Variants in SARDH observed in about 807,000 individuals in gnomAD.
SARDH encodes the protein sarcosine dehydrogenase, mitochondrial.
Under a neutral mutation model 109.1 loss-of-function variants are expected in SARDH, and 95 were observed. The ratio of observed to expected loss-of-function variants is 0.87; its 90% CI spans 0.74 to 1.03. The LOEUF is 1.03. Among genes scored for constraint, SARDH ranks in the 50% least tolerant of loss-of-function variants. SARDH has a pLI of 0.00. For missense variants in SARDH, 1,267 were observed against 1,287.8 expected, an observed-to-expected ratio of 0.98 and a Z score of 0.25; for synonymous variants, 572 against 534.8, an observed-to-expected ratio of 1.07 and a Z score of -0.96.
chr9:133,701,118 C>G (rs181227475), intron 13 of SARDH, among the ~76,000 whole-genome samples: 5 of 152,378 alleles, frequency 3.3e-5, no homozygotes, highest in Non-Finnish European at 7.3e-5. Flanking sequence ...CAGGGGTGCA[C>G]TGACCCTGAC....
rs572864160 is a variant in SARDH at position 133,719,943 on chromosome 9, C to T, written c.916-901G>A. Among the ~76,000 whole-genome samples the T allele has an allele frequency of 4.9e-4, 75 of 152,006 alleles. 1 individual carries two copies. Among genetic ancestry groups the T allele is most frequent in the Non-Finnish European group, 7.6e-4 (52 of 67,998 alleles). ...TGACTAATATGGTGAAACCTCGTCT[C>T]TACTAAAAATACAAAAAATTAGCTG... is the stretch of plus-strand genomic sequence containing the variant. On this transcript the variant is annotated intron_variant, in intron 6 of 20. Coordinates refer to ENST00000439388, the MANE Select transcript of SARDH (RefSeq NM_001134707.2).
At position 133,717,295 on chromosome 9, in the gene SARDH, C is replaced by T. The variant is rs201009568; in HGVS notation, c.1150+31G>A. ...GTCATCAGACCAAAGGACCCATGGA[C>T]GCCCACCCCAGCTCCGAGGCTGTCA... On this transcript the variant is annotated intron_variant, in intron 8 of 20. Coordinates refer to ENST00000439388, the MANE Select transcript of SARDH (RefSeq NM_001134707.2). 1.4e-5 allele frequency: 23 copies of T among 1,611,770 alleles called. No individual in the cohort carries two copies. The East Asian group carries it at 1.6e-4, about 11-fold the overall frequency.
chr9:133,704,879 C>CAG lies in SARDH; in HGVS notation c.1554+68_1554+69insCT. On this transcript the variant is annotated intron_variant, in intron 12 of 20. Coordinates refer to ENST00000439388, the MANE Select transcript of SARDH (RefSeq NM_001134707.2). This position sits in a 1 kb window ranked among gnomAD's most constrained non-coding sequence, Gnocchi z 4.5. ...GGCACACGGAGGGGCAAGGACGGGG[C>CAG]ACGTGGAGGGGCAAGGGGGTTGTCA... 2 of 1,352,328 alleles carry CAG rather than the reference C, an allele frequency of 1.5e-6. No individual in the cohort carries two copies. 83.8% of individuals were successfully genotyped at this position (1,352,328 alleles called of 1,614,324 possible).
intron 20 of SARDH, among the ~76,000 whole-genome samples, chr9:133,664,476 G>A (rs1220612867): frequency 6.6e-6 from 1 of 152,146 alleles, no homozygotes. Flanking sequence ...ACCCTGGCTC[G>A]GGCTCCCCAG....
At position 133,686,243 on chromosome 9, in the gene SARDH, G is replaced by A. The variant is rs191453759; in HGVS notation, c.2070-957C>T. Among the ~76,000 whole-genome samples the A allele has an allele frequency of 1.6e-4, 25 of 152,048 alleles. No homozygotes were observed. The highest frequency in any genetic ancestry group is 5.8e-4 in the African/African-American group (24 of 41,462). On this transcript the variant is annotated intron_variant, in intron 16 of 20. Coordinates refer to ENST00000439388, the MANE Select transcript of SARDH (RefSeq NM_001134707.2). The surrounding 1 kb of genome is among the most constrained non-coding windows in gnomAD (Gnocchi z 4.0). ...GCACCACATCTACTCTCACACTTGC[G>A]CAAGTACCGGAGACCTCACTGGAGC...
At chr9:133,730,234 G>A (rs1002654977) in intron 4 of SARDH, 47 bp from the exon 5 acceptor site, 2 of 1,604,986 alleles carry the variant, frequency 1.2e-6, no homozygotes, top group Admixed American at 3.3e-5. Flanking sequence ...GACTCCCCGG[G>A]GGTGCTTCCC....
chr9:133,680,892 A>G lies in SARDH; in HGVS notation c.2163+4301T>C, dbSNP rs532748773. 4.6e-5 allele frequency among the ~76,000 whole-genome samples: 7 copies of G among 152,344 alleles called. No homozygotes were observed. The South Asian group carries it at 1.4e-3, about 32-fold the overall frequency. On this transcript the variant is annotated intron_variant, in intron 17 of 20. Coordinates refer to ENST00000439388, the MANE Select transcript of SARDH (RefSeq NM_001134707.2). ...GGGGCTGCGCTCAGTGCTGGGCATC[A>G]GGGTCTCTAGGTGAAGATGGTTAGC...
chr9:133,711,172 C>T (rs747225700), intron 10 of SARDH, among the ~76,000 whole-genome samples: 2 of 152,250 alleles, frequency 1.3e-5, no homozygotes, highest in South Asian at 2.1e-4. Context: ...CTGCTGAGTG[C>T]GGGACTAGGC....
downstream of SARDH, among the ~76,000 whole-genome samples, chr9:133,662,185 C>T (rs1254920120): frequency 3.3e-5 from 5 of 151,996 alleles, no homozygotes; most frequent in Non-Finnish European, 5.9e-5. This position sits in a 1 kb window ranked among gnomAD's most constrained non-coding sequence, Gnocchi z 5.1. Context: ...GGACAGGGAG[C>T]GCAGCCAGGT....
chr9:133,660,530 T>G (rs1337372132), downstream of SARDH, among the ~76,000 whole-genome samples: 2 of 152,242 alleles, frequency 1.3e-5, no homozygotes, highest in Non-Finnish European at 2.9e-5. Flanking sequence ...CCAAAGGGAC[T>G]CTGGGCTCGC....
At chr9:133,737,107 A>G (rs1313066459) in intron 1 of SARDH, among the ~76,000 whole-genome samples, 6 of 151,754 alleles carry the variant, frequency 4.0e-5, no homozygotes, top group Admixed American at 2.0e-4. Context: ...TCCCAGGGGG[A>G]CTCAGGACCC....
Position 133,694,308 on chromosome 9 carries a change from C to T in SARDH, c.1871G>A (p.Ser624Asn). ...GGCCTGGTGGCTGGGTGCCAGGCGG[C>T]TGACAGTCAGGTCACTCTCGGTGCC... Reference protein sequence around the residue: ...RGGTESDLTVSRLAPSHQASP... With the variant: ...RGGTESDLTVNRLAPSHQASP... The change falls in exon 15 of 21, where the codon AGC becomes AAC. Residue 624 changes from serine (S) to asparagine (N), a missense_variant. Physicochemically the swap from Ser to Asn is conservative, Grantham distance 46. Coordinates refer to ENST00000439388, the MANE Select transcript of SARDH (RefSeq NM_001134707.2). 6.4e-7 allele frequency: 1 copy of T among 1,550,662 alleles called. No homozygotes were observed. The highest frequency in any genetic ancestry group is 8.7e-7 in the Non-Finnish European group (1 of 1,146,954).
At chr9:133,691,732 C>T (rs981578962) in intron 15 of SARDH, among the ~76,000 whole-genome samples, 4 of 152,290 alleles carry the variant, frequency 2.6e-5, no homozygotes, top group Middle Eastern at 3.4e-3. Flanking sequence ...GGGTAGGTAG[C>T]GCACGTATTC....
chr9:133,701,250 G>A (rs1340512276), intron 13 of SARDH, among the ~76,000 whole-genome samples: 1 of 152,250 alleles, frequency 6.6e-6, no homozygotes, highest in Non-Finnish European at 1.5e-5. Flanking sequence ...TACAGAGCCA[G>A]CTTCCTCCCC....
intron 6 of SARDH, among the ~76,000 whole-genome samples, chr9:133,719,349 A>C (rs988687926): frequency 6.6e-6 from 1 of 152,318 alleles, no homozygotes; most frequent in Admixed American, 6.5e-5. Flanking sequence ...ATAACCGACA[A>C]AGATGAGAGA....
rs367583518 is a variant in SARDH at position 133,718,786 on chromosome 9, A to T, written c.1020+152T>A. The T allele has an allele frequency of 5.1e-5, 40 of 791,004 alleles. 1 individual carries two copies. The African/African-American group carries it at 5.4e-4, about 11-fold the overall frequency. The allele number at this position is 791,004 out of a possible 1,614,324, so 49.0% of individuals were successfully genotyped here. A position where few individuals can be genotyped will look rare whatever the true frequency, so the allele number is the denominator to read the frequency against. On this transcript the variant is annotated intron_variant, in intron 7 of 20. Transcript: ENST00000439388. The surrounding 1 kb of genome is among the most constrained non-coding windows in gnomAD (Gnocchi z 4.2). ...CCAGGACCGTCAGGGTAAGAGCAAG[A>T]TGGCTTTGAGCTTGGTGGGGTCAGG... is the stretch of plus-strand genomic sequence containing the variant.
chr9:133,675,539 G>A (rs117040092), intron 17 of SARDH, among the ~76,000 whole-genome samples: 3 of 152,196 alleles, frequency 2.0e-5, no homozygotes, highest in African/African-American at 7.2e-5. Flanking sequence ...AAAGTAACGA[G>A]TGTTGGTGAG....
downstream of SARDH, among the ~76,000 whole-genome samples, chr9:133,660,851 G>A (rs182442868): frequency 4.7e-4 from 72 of 152,366 alleles, no homozygotes; most frequent in African/African-American, 1.5e-3. Flanking sequence ...CACCAGGGCT[G>A]TGCTTTCTGG....
chr9:133,722,958 CA>C (rs1832378175), intron 6 of SARDH, among the ~76,000 whole-genome samples: 2 of 151,782 alleles, frequency 1.3e-5, no homozygotes, highest in Non-Finnish European at 2.9e-5. Flanking sequence ...TGGGCTCAGC[CA>C]AAAAACTAAT....
Sources: allele counts gnomAD v4.1 joint callset (sites outside exome capture counted in the v4.1 genomes callset), GRCh38; gene constraint gnomAD v4.1.1; non-coding constraint Gnocchi (gnomAD v3.1); transcripts MANE v1.5; gene names NCBI Gene and HGNC (gene_info 2026-07-23, HGNC 2026-07-21).